SGCZ: variants seen among roughly 807,000 people sequenced by gnomAD.
SGCZ encodes the protein sarcoglycan zeta, also known as zeta-sarcoglycan.
Under a neutral mutation model 41.3 loss-of-function variants are expected in SGCZ, and 40 were observed. The ratio of observed to expected loss-of-function variants is 0.97; its 90% CI spans 0.75 to 1.26. SGCZ has a LOEUF of 1.26. Among genes scored for constraint, SGCZ ranks in the 50% most tolerant of loss-of-function variants. The pLI is 0.00. For missense variants in SGCZ, 552 were observed against 369.8 expected (o/e 1.49, Z -4.04); for synonymous variants, 206 against 137.5 (o/e 1.50, Z -3.49).
intron 1 of SGCZ, among the ~76,000 whole-genome samples, chr8:14,642,667 A>T (rs1182928953): frequency 6.6e-6 from 1 of 151,566 alleles, no homozygotes; most frequent in Non-Finnish European, 1.5e-5. Context: ...ACTTTTATTT[A>T]AAAATCAACA....
intron 1 of SGCZ, among the ~76,000 whole-genome samples, chr8:14,828,498 A>C (rs1016815782): frequency 1.3e-5 from 2 of 152,208 alleles, no homozygotes; most frequent in African/African-American, 4.8e-5. Flanking sequence ...TGAGTTTTCG[A>C]TGGAAATTTT....
At chr8:14,114,533 A>AT (rs559331175) in intron 5 of SGCZ, among the ~76,000 whole-genome samples, 31 of 152,094 alleles carry the variant, frequency 2.0e-4, no homozygotes, top group African/African-American at 7.2e-4. Flanking sequence ...TTCATTTGGC[A>AT]TTTTTTTCAT....
At chr8:14,759,878 C>A (rs1223883859) in intron 1 of SGCZ, among the ~76,000 whole-genome samples, 1 of 152,148 alleles carries the variant, frequency 6.6e-6, no homozygotes, top group African/African-American at 2.4e-5. Context: ...CCATGTGGCC[C>A]AGGTTCCAGG....
At chr8:14,438,908 T>C (rs986742204) in intron 2 of SGCZ, among the ~76,000 whole-genome samples, 2 of 152,060 alleles carry the variant, frequency 1.3e-5, no homozygotes, top group Non-Finnish European at 2.9e-5. Context: ...TATAATGATC[T>C]TGTAAGAGAA....
intron 2 of SGCZ, among the ~76,000 whole-genome samples, chr8:14,468,659 T>C (rs1412758287): frequency 6.6e-6 from 1 of 152,088 alleles, no homozygotes; most frequent in African/African-American, 2.4e-5. Context: ...ATGCCACAGA[T>C]AAACCGTAGA....
intron 1 of SGCZ, among the ~76,000 whole-genome samples, chr8:14,626,205 A>C (rs970918615): frequency 1.3e-5 from 2 of 152,020 alleles, no homozygotes; most frequent in African/African-American, 2.4e-5. Flanking sequence ...CAGGTTTGTT[A>C]CATAGGTAAA....
intron 1 of SGCZ, among the ~76,000 whole-genome samples, chr8:15,161,160 C>T (rs1799502213): frequency 6.6e-6 from 1 of 152,058 alleles, no homozygotes; most frequent in Non-Finnish European, 1.5e-5. Flanking sequence ...CCTGTGGGTC[C>T]AACCCCATTG....
At chr8:14,277,787 G>A (rs1226504381) in intron 3 of SGCZ, among the ~76,000 whole-genome samples, 2 of 152,030 alleles carry the variant, frequency 1.3e-5, no homozygotes, top group Admixed American at 1.3e-4. Context: ...ATGTTCTCTG[G>A]AATCTCCTTA....
chr8:14,234,081 G>A (rs1044242896), intron 4 of SGCZ, among the ~76,000 whole-genome samples: 3 of 151,950 alleles, frequency 2.0e-5, no homozygotes, highest in Admixed American at 6.6e-5. Flanking sequence ...ATATTATTTG[G>A]TCAAATTCAT....
At chr8:14,973,482 G>C (rs1051551596) in intron 1 of SGCZ, among the ~76,000 whole-genome samples, 2 of 152,098 alleles carry the variant, frequency 1.3e-5, no homozygotes, top group African/African-American at 4.8e-5. Context: ...CAATTGTCTT[G>C]AATAAAGCCT....
At chr8:14,384,218 CG>C (rs1804483186) in intron 2 of SGCZ, among the ~76,000 whole-genome samples, 1 of 151,724 alleles carries the variant, frequency 6.6e-6, no homozygotes, top group Admixed American at 6.6e-5. Context: ...ATGCGGTGTT[CG>C]GTTTTTTGTC....
chr8:14,546,290 A>C (rs1406938071), intron 2 of SGCZ, among the ~76,000 whole-genome samples: 1 of 152,122 alleles, frequency 6.6e-6, no homozygotes, highest in Non-Finnish European at 1.5e-5. Flanking sequence ...GTGCGTGCTG[A>C]GGAATGAATT....
intron 1 of SGCZ, among the ~76,000 whole-genome samples, chr8:14,672,902 A>T (rs542127996): frequency 1.6e-4 from 25 of 152,282 alleles, no homozygotes; most frequent in African/African-American, 6.0e-4. Flanking sequence ...TCTGGGTCAC[A>T]TGGTCTATGC....
chr8:14,790,597 A>T (rs1411023063), intron 1 of SGCZ, among the ~76,000 whole-genome samples: 1 of 152,212 alleles, frequency 6.6e-6, no homozygotes, highest in Admixed American at 6.5e-5. Flanking sequence ...ACTAAGAATT[A>T]AAGGTAAGAA....
chr8:15,103,264 G>A (rs939544087), intron 1 of SGCZ, among the ~76,000 whole-genome samples: 1 of 152,118 alleles, frequency 6.6e-6, no homozygotes, highest in Non-Finnish European at 1.5e-5. Flanking sequence ...AGCAAGGCAT[G>A]ATGGCGCATG....
At chr8:14,222,702 A>C (rs2117125571) in intron 4 of SGCZ, among the ~76,000 whole-genome samples, 1 of 151,882 alleles carries the variant, frequency 6.6e-6, no homozygotes, top group South Asian at 2.1e-4. Context: ...TATAAAGATG[A>C]AGAGACTTAA....
At chr8:14,704,660 A>G (rs1200922126) in intron 1 of SGCZ, among the ~76,000 whole-genome samples, 1 of 151,994 alleles carries the variant, frequency 6.6e-6, no homozygotes, top group Non-Finnish European at 1.5e-5. Flanking sequence ...AGTCTGCTAC[A>G]GAGAATTGTG....
intron 2 of SGCZ, among the ~76,000 whole-genome samples, chr8:14,540,364 G>C (rs1017995443): frequency 6.7e-6 from 1 of 148,168 alleles, no homozygotes; most frequent in African/African-American, 2.5e-5. Flanking sequence ...GAATTTTTAT[G>C]GCTGAATATT....
At chr8:15,209,284 T>C (rs185746165) in intron 1 of SGCZ, among the ~76,000 whole-genome samples, 1 of 152,234 alleles carries the variant, frequency 6.6e-6, no homozygotes, top group African/African-American at 2.4e-5. Context: ...TTCACTTTCA[T>C]AATGAATGTC....
Sources: allele counts gnomAD v4.1 joint callset (sites outside exome capture counted in the v4.1 genomes callset), GRCh38; gene constraint gnomAD v4.1.1; transcripts MANE v1.5; gene names NCBI Gene and HGNC (gene_info 2026-07-23, HGNC 2026-07-21).